Variants in PRSS12 observed in about 807,000 individuals in gnomAD.
The protein encoded by PRSS12 is neurotrypsin.
In PRSS12, 85 loss-of-function variants were observed where a neutral mutation model predicts 104.4. That is an observed-to-expected ratio of 0.81 (90% CI 0.68 to 0.98). PRSS12 has a LOEUF of 0.98. Among genes scored for constraint, PRSS12 ranks in the 50% least tolerant of loss-of-function variants. The pLI is 0.00. For missense variants in PRSS12, 1,141 were observed against 1,139.2 expected (o/e 1.00, Z -0.02); for synonymous variants, 454 against 425.2 (o/e 1.07, Z -0.83).
At position 118,352,969 on chromosome 4, in the gene PRSS12, G is replaced by A. The variant is rs1003365669; in HGVS notation, c.-249C>T. ...GGAGCTCAGCCGAGCCCCGGCCGGCGGAGAGGACCGGAAAAGAGAAGGCGC... is the reference window on the plus strand; with the variant it reads ...GGAGCTCAGCCGAGCCCCGGCCGGCAGAGAGGACCGGAAAAGAGAAGGCGC... On this transcript the variant is annotated 5_prime_UTR_variant, in exon 1 of 13. Coordinates refer to ENST00000296498, the MANE Select transcript of PRSS12 (RefSeq NM_003619.4). 7.1e-6 allele frequency: 7 copies of A among 987,836 alleles called. No individual in the cohort carries two copies. Among genetic ancestry groups the A allele is most frequent in the African/African-American group, 3.5e-5 (2 of 57,160 alleles). The allele number at this position is 987,836 out of a possible 1,614,324, so 61.2% of individuals were successfully genotyped here.
Position 118,282,968 on chromosome 4 carries a change from G to A in PRSS12, c.2183C>T (p.Ala728Val). The A allele has an allele frequency of 6.2e-7, 1 of 1,614,122 alleles. No individual in the cohort carries two copies. Residue 728 changes from alanine to valine, a missense_variant, in exon 12 of 13, where the codon GCC (alanine) becomes GTC (valine). By Grantham distance (64) the Ala-to-Val change is moderately conservative. Coordinates refer to ENST00000296498, the MANE Select transcript of PRSS12 (RefSeq NM_003619.4). The part of the protein sequence containing the change: ...YRPDRSDYDI[A>V]LVRLQGPEEQ... The stretch of plus-strand genomic sequence containing the variant: ...TTCTGGTCCTTGTAATCTAACCAGG[G>A]CTATGTCATAATCACTGCGGTCGGG...
intron 8 of PRSS12, among the ~76,000 whole-genome samples, chr4:118,305,240 T>C (rs1743516936): frequency 6.6e-6 from 1 of 151,760 alleles, no homozygotes; most frequent in Non-Finnish European, 1.5e-5. Context: ...ATCAAATAGC[T>C]AAACAATTCT....
At chr4:118,327,677 G>C (rs1723811178) in intron 4 of PRSS12, among the ~76,000 whole-genome samples, 1 of 152,114 alleles carries the variant, frequency 6.6e-6, no homozygotes, top group Non-Finnish European at 1.5e-5. Context: ...GAAAGACATG[G>C]AAAGTGCTTT....
intron 4 of PRSS12, among the ~76,000 whole-genome samples, chr4:118,324,743 GTC>G (rs1407815236): frequency 6.6e-6 from 1 of 151,982 alleles, no homozygotes; most frequent in Non-Finnish European, 1.5e-5. Context: ...TGAAGACAGA[GTC>G]TCTGTCGCAC....
In PRSS12 at chr4:118,315,514, T is replaced by A. The variant is rs568045474; in HGVS notation, c.1292+668A>T. ...AAGCATAAGACAATTACTTCAAGCA[T>A]GACAGAGAAATATGGAAAACAAGAA... On this transcript the variant is annotated intron_variant, in intron 6 of 12. Coordinates refer to ENST00000296498, the MANE Select transcript of PRSS12 (RefSeq NM_003619.4). 1.1e-4 allele frequency among the ~76,000 whole-genome samples: 17 copies of A among 152,276 alleles called. No individual in the cohort carries two copies. In the South Asian group the frequency reaches 3.5e-3, roughly 32 times the overall value.
At position 118,335,477 on chromosome 4, in the gene PRSS12, G is replaced by A. The variant is rs1724039393; in HGVS notation, c.816C>T (p.Ser272=). ...KMAAAVTCSF[S]HGPTFPIIRL... ...GAACTTTTTTCTTTTTTTTACCATG[G>A]GAAAAGCTACACGTGACAGCAGCTG... The change falls in exon 3 of 13, where the codon TCC becomes TCT. Residue 272 remains serine (S), a synonymous_variant. Transcript: ENST00000296498. The A allele has an allele frequency of 6.2e-7, 1 of 1,613,448 alleles. No homozygotes were observed. The highest frequency in any genetic ancestry group is 8.5e-7 in the Non-Finnish European group (1 of 1,179,748).
intron 8 of PRSS12, among the ~76,000 whole-genome samples, chr4:118,304,205 T>C (rs1743476860): frequency 6.6e-6 from 1 of 151,714 alleles, no homozygotes; most frequent in African/African-American, 2.4e-5. Context: ...TGTGTATATA[T>C]ACATATACAC....
Position 118,308,488 on chromosome 4 carries a change from C to G in PRSS12, c.1579G>C (p.Asp527His). ...INGQWGTICDDGWTDKDAAVI... is the reference protein window; with the variant it reads ...INGQWGTICDHGWTDKDAAVI... ...GCTGCATCCTTATCAGTCCATCCAT[C>G]ATCACAGATTGTTCCCCACTGGCCA... is the stretch of plus-strand genomic sequence containing the variant. Residue 527 changes from aspartate (D) to histidine (H), a missense_variant, in exon 8 of 13, where the codon GAT becomes CAT. By Grantham distance (81) the Asp-to-His change is moderately conservative. Transcript: ENST00000296498. The G allele has an allele frequency of 6.2e-7, 1 of 1,614,128 alleles. No individual in the cohort carries two copies.
intron 9 of PRSS12, 114 bp from the exon 10 acceptor site, chr4:118,295,970 G>T: frequency 1.1e-6 from 1 of 933,254 alleles, no homozygotes; most frequent in Non-Finnish European, 1.7e-6. Context: ...CCTTTTCTCT[G>T]CAAATTAAAA....
chr4:118,323,750 C>T (rs540400669), intron 4 of PRSS12, among the ~76,000 whole-genome samples: 1 of 151,748 alleles, frequency 6.6e-6, no homozygotes, highest in South Asian at 2.1e-4. Flanking sequence ...CTGGAAGAAA[C>T]ATTTGCAATT....
intron 11 of PRSS12, among the ~76,000 whole-genome samples, chr4:118,287,427 G>A (rs1456312613): frequency 6.6e-6 from 1 of 152,190 alleles, no homozygotes. Context: ...TGAGATTATA[G>A]GTACTGCACC....
intron 11 of PRSS12, among the ~76,000 whole-genome samples, chr4:118,283,569 C>A (rs970610033): frequency 1.3e-5 from 2 of 152,182 alleles, no homozygotes; most frequent in Non-Finnish European, 2.9e-5. Flanking sequence ...TAAACTACTT[C>A]CCTTTCCTCT....
intron 6 of PRSS12, 37 bp downstream of exon 6, chr4:118,316,145 C>G: frequency 1.2e-6 from 2 of 1,609,422 alleles, no homozygotes; most frequent in Non-Finnish European, 1.7e-6. Context: ...ACAATATAAT[C>G]TGGCATTTAA....
chr4:118,352,715 C>T lies in PRSS12; in HGVS notation c.6G>A (p.Thr2=). 2 of 1,611,348 alleles carry T rather than the reference C, an allele frequency of 1.2e-6. No individual in the cohort carries two copies. Among genetic ancestry groups the T allele is most frequent in the Non-Finnish European group, 1.7e-6 (2 of 1,178,386 alleles). Residue 2 remains threonine (T), a synonymous_variant, in exon 1 of 13, where the codon ACG becomes ACA. Transcript: ENST00000296498. The stretch of plus-strand genomic sequence containing the variant: ...TCAGGGCTAGCACGAAGCGGGCGAG[C>T]GTCATGGTGCCAGCGCTGCGGGGTC... The part of the protein sequence containing the change: M[T]LARFVLALML...
At chr4:118,347,614 C>T (rs933010409) in intron 1 of PRSS12, among the ~76,000 whole-genome samples, 1 of 152,200 alleles carries the variant, frequency 6.6e-6, no homozygotes, top group African/African-American at 2.4e-5. Context: ...GCTATGCCAA[C>T]CAGAGACTAG....
chr4:118,299,784 T>TAAAAG (rs1210616466), intron 8 of PRSS12, among the ~76,000 whole-genome samples: 1 of 89,038 alleles, frequency 1.1e-5, no homozygotes, highest in Non-Finnish European at 2.5e-5. Context: ...TAAAATAAAA[T>TAAAAG]AAAATAAAAT....
intron 3 of PRSS12, among the ~76,000 whole-genome samples, chr4:118,332,741 A>C (rs1284839755): frequency 3.3e-5 from 5 of 152,208 alleles, no homozygotes; most frequent in African/African-American, 1.2e-4. Context: ...ATAATTATTT[A>C]TTGACTGCCT....
Position 118,281,659 on chromosome 4 carries a change from T to G in PRSS12, c.*277A>C, listed in dbSNP as rs1364219038. 1.3e-5 allele frequency: 6 copies of G among 479,240 alleles called. No homozygotes were observed. In the East Asian group the frequency reaches 2.4e-4, roughly 19 times the overall value. The allele number at this position is 479,240 out of a possible 1,614,324, so 29.7% of individuals were successfully genotyped here. On this transcript the variant is annotated 3_prime_UTR_variant, in exon 13 of 13. Coordinates refer to ENST00000296498, the MANE Select transcript of PRSS12 (RefSeq NM_003619.4). Reference sequence around the variant, plus strand: ...CTTTTGTAAAATCAGCATAGAATGATTTTGAGAAATAGGTAGGGGATAGAT... The same window carrying G: ...CTTTTGTAAAATCAGCATAGAATGAGTTTGAGAAATAGGTAGGGGATAGAT...
intron 8 of PRSS12, chr4:118,303,415 G>C (rs1743450176): frequency 6.6e-6 from 1 of 152,036 alleles, no homozygotes; most frequent in Non-Finnish European, 1.5e-5. Flanking sequence ...CACCATTTTA[G>C]ATATATCAAT....
Sources: gnomAD v4.1 joint callset for allele counts (sites outside exome capture counted in the v4.1 genomes callset) on GRCh38, gnomAD v4.1.1 for gene constraint, MANE v1.5 for transcripts, NCBI Gene and HGNC (gene_info 2026-07-23, HGNC 2026-07-21) for gene names.